The following CFAP61 variants were observed in gnomAD, a reference collection of about 807,000 sequenced individuals.
CFAP61 encodes cilia and flagella associated protein 61, also known as cilia- and flagella-associated protein 61.
In CFAP61, 107 loss-of-function variants were observed where a neutral mutation model predicts 135.6. The observed-to-expected ratio is 0.79, with a 90% CI of 0.67 to 0.93. The LOEUF (loss-of-function observed/expected upper bound fraction) is 0.93. Ranked by LOEUF, CFAP61 falls within the 40% of genes least tolerant of loss-of-function variation. The pLI is 0.00. For synonymous variants in CFAP61, 575 were observed against 578.5 expected (o/e 0.99, Z 0.09); for missense variants, 1,507 against 1,556.2 (o/e 0.97, Z 0.53).
chr20:20,063,295 G>A (rs1040010378), intron 2 of CFAP61, among the ~76,000 whole-genome samples: 1 of 152,070 alleles, frequency 6.6e-6, no homozygotes, highest in Admixed American at 6.6e-5. Context: ...GAAAGTTAAC[G>A]GCCAATCTCA....
chr20:20,072,229 C>T (rs1390427050), intron 3 of CFAP61, among the ~76,000 whole-genome samples: 1 of 149,124 alleles, frequency 6.7e-6, no homozygotes, highest in Non-Finnish European at 1.5e-5. Context: ...ATTCTCCTGC[C>T]TCAGCCTCCC....
chr20:20,191,308 T>C (rs2055903067), intron 14 of CFAP61, 34 bp from the exon 15 acceptor site: 1 of 1,581,596 alleles, frequency 6.3e-7, no homozygotes, highest in Non-Finnish European at 8.7e-7. Flanking sequence ...AGCCATATTT[T>C]TAAGGGTCTT....
intron 13 of CFAP61, among the ~76,000 whole-genome samples, chr20:20,179,019 T>C (rs891883226): frequency 1.3e-5 from 2 of 152,140 alleles, no homozygotes; most frequent in African/African-American, 4.8e-5. Context: ...TATTTACTGG[T>C]ATTAAAAAAT....
At chr20:20,259,924 C>A (rs922462001) in intron 20 of CFAP61, 6 of 152,082 alleles carry the variant, frequency 3.9e-5, no homozygotes, top group Non-Finnish European at 7.4e-5. Context: ...ATCTGCTGCT[C>A]TCCACTCAGA....
chr20:20,326,134 C>T (rs1417169745), intron 25 of CFAP61, among the ~76,000 whole-genome samples: 4 of 152,260 alleles, frequency 2.6e-5, no homozygotes, highest in South Asian at 2.1e-4. Flanking sequence ...TCTTTGGTGA[C>T]GTGTCCAGCT....
rs755176798 is a variant in CFAP61 at position 20,251,675 on chromosome 20, T to G, written c.2240T>G (p.Ile747Arg). 6.2e-7 allele frequency: 1 copy of G among 1,614,130 alleles called. No individual in the cohort carries two copies. The highest frequency in any genetic ancestry group is 8.5e-7 in the Non-Finnish European group (1 of 1,180,052). The change falls in exon 20 of 27, where the codon ATA becomes AGA. Residue 747 changes from isoleucine to arginine, a missense_variant. By Grantham distance (97) the Ile-to-Arg change is moderately conservative. Coordinates refer to ENST00000245957, the MANE Select transcript of CFAP61 (RefSeq NM_015585.4). ...GTCGTGGTGGGTAGAATGACCGGCA[T>G]AGACCGAGCAGCCAAGCACGTTGTG... ...VNVVVGRMTGIDRAAKHVVLS... is the reference protein window; with the variant it reads ...VNVVVGRMTGRDRAAKHVVLS...
At chr20:20,274,361 T>C (rs1420338793) in intron 21 of CFAP61, among the ~76,000 whole-genome samples, 1 of 152,120 alleles carries the variant, frequency 6.6e-6, no homozygotes, top group Non-Finnish European at 1.5e-5. Context: ...AATGGAGACA[T>C]TTAAAGGCAA....
At chr20:20,189,255 G>GTT (rs34567536) in intron 14 of CFAP61, among the ~76,000 whole-genome samples, 42,643 of 151,862 alleles carry the variant, frequency 0.28, 6,473 homozygotes, top group East Asian at 0.58. Flanking sequence ...TCAGCACATG[G>GTT]TTTGCTTTGG....
At chr20:20,211,652 T>G (rs1005258383) in intron 17 of CFAP61, among the ~76,000 whole-genome samples, 1 of 152,206 alleles carries the variant, frequency 6.6e-6, no homozygotes, top group African/African-American at 2.4e-5. Flanking sequence ...CCCATGGCAA[T>G]AAACATAAAT....
At chr20:20,222,644 A>G (rs2146937822) in intron 17 of CFAP61, among the ~76,000 whole-genome samples, 1 of 152,340 alleles carries the variant, frequency 6.6e-6, no homozygotes, top group South Asian at 2.1e-4. Flanking sequence ...GTTGGTATTC[A>G]TATCATACTT....
intron 2 of CFAP61, among the ~76,000 whole-genome samples, chr20:20,066,132 A>G (rs1490058518): frequency 1.3e-5 from 2 of 152,214 alleles, no homozygotes; most frequent in Non-Finnish European, 2.9e-5. Flanking sequence ...ATGAGATACC[A>G]TCTCATGTCA....
chr20:20,230,094 G>T (rs549883665), intron 18 of CFAP61, among the ~76,000 whole-genome samples: 1 of 152,272 alleles, frequency 6.6e-6, no homozygotes, highest in South Asian at 2.1e-4. Flanking sequence ...TTATTTAAAT[G>T]ATTACATTGA....
chr20:20,224,175 C>T (rs1441317721), intron 17 of CFAP61, among the ~76,000 whole-genome samples: 2 of 152,134 alleles, frequency 1.3e-5, no homozygotes, highest in Non-Finnish European at 2.9e-5. Context: ...ATAAAAGCAA[C>T]CACAAACTCC....
chr20:20,075,415 A>G, intron 5 of CFAP61, 74 bp from the exon 6 acceptor site: 2 of 1,548,302 alleles, frequency 1.3e-6, no homozygotes, highest in South Asian at 2.2e-5. Flanking sequence ...TAGAATGGAA[A>G]CTACATTTTG....
intron 25 of CFAP61, among the ~76,000 whole-genome samples, chr20:20,320,841 A>G (rs917738801): frequency 1.3e-5 from 2 of 151,838 alleles, no homozygotes; most frequent in Non-Finnish European, 2.9e-5. Flanking sequence ...CAATGTAGAG[A>G]AGTCCCAGCT....
intron 9 of CFAP61, among the ~76,000 whole-genome samples, 178 bp downstream of exon 9, chr20:20,143,126 TG>T (rs1568995529): frequency 6.6e-6 from 1 of 152,168 alleles, no homozygotes; most frequent in African/African-American, 2.4e-5. Flanking sequence ...CCTCTGTGTT[TG>T]TAACAGACAA....
intron 25 of CFAP61, among the ~76,000 whole-genome samples, chr20:20,299,993 C>T (rs2055952678): frequency 6.6e-6 from 1 of 152,140 alleles, no homozygotes; most frequent in African/African-American, 2.4e-5. Context: ...AAACACGTTC[C>T]AGTCAACAAT....
chr20:20,131,880 G>A lies in CFAP61; in HGVS notation c.860-10977G>A, dbSNP rs111866778. Among the ~76,000 whole-genome samples, 216 of 151,802 alleles carry A rather than the reference G, an allele frequency of 1.4e-3. 1 individual carries two copies. Among genetic ancestry groups the A allele is most frequent in the Non-Finnish European group, 2.5e-3 (169 of 67,892 alleles). ...TCATTTTATATATTCTTTGACTTAC[G>A]AGTTATTTAAAATATTATTTATTTA... On this transcript the variant is annotated intron_variant, in intron 8 of 26. Coordinates refer to ENST00000245957, the MANE Select transcript of CFAP61 (RefSeq NM_015585.4).
At chr20:20,070,809 T>A in intron 2 of CFAP61, 45 bp from the exon 3 acceptor site, 2 of 1,584,548 alleles carry the variant, frequency 1.3e-6, no homozygotes, top group Non-Finnish European at 1.7e-6. Flanking sequence ...CTCACCTCAC[T>A]TTTTGTAATC....
Sources: gnomAD v4.1 joint callset for allele counts (sites outside exome capture counted in the v4.1 genomes callset) on GRCh38, gnomAD v4.1.1 for gene constraint, MANE v1.5 for transcripts, NCBI Gene and HGNC (gene_info 2026-07-23, HGNC 2026-07-21) for gene names.